The following LIPA variants were observed in gnomAD, a reference collection of about 807,000 sequenced individuals.
LIPA encodes the protein lipase A, lysosomal acid type, also known as lysosomal acid lipase/cholesteryl ester hydrolase.
Under a neutral mutation model 40.6 loss-of-function variants are expected in LIPA, and 26 were observed. That is an observed-to-expected ratio of 0.64 (90% confidence interval 0.47 to 0.89). LIPA has a LOEUF of 0.89. LIPA is among the 40% of genes least tolerant of loss of function. LIPA has a pLI of 0.00. For synonymous variants in LIPA, 188 were observed against 168.4 expected, an observed-to-expected ratio of 1.12 and a Z score of -0.90; for missense variants, 455 against 479.6, an observed-to-expected ratio of 0.95 and a Z score of 0.48.
In LIPA at chr10:89,230,576, G is replaced by C. The variant is rs1029183456; in HGVS notation, c.230-2178C>G. Among the ~76,000 whole-genome samples, 86 of 152,150 alleles carry C rather than the reference G, an allele frequency of 5.7e-4. 1 individual carries two copies. The highest frequency in any genetic ancestry group is 2.1e-3 in the African/African-American group (85 of 41,422). On this transcript the variant is annotated intron_variant, in intron 3 of 9. Transcript: ENST00000336233. ...CCACCTCGGCTTCCCAAAGTGCGGG[G>C]TTTACAGGTGTGAGCCACCACGCCC...
rs148103238 is a variant in LIPA, at chr10:89,388,822, A to G, written c.61+23969T>C. Among the ~76,000 whole-genome samples, 600 of 152,312 alleles carry G rather than the reference A, an allele frequency of 3.9e-3. 6 individuals carry two copies. The highest frequency in any genetic ancestry group is 0.014 in the African/African-American group (563 of 41,564). On this transcript the variant is annotated intron_variant, in intron 2 of 8. Coordinates refer to the LIPA transcript ENST00000371837. ...AAAAAAAAAAAAAATGAGCTAATAAAAATTCTAGTAGTACTTGAATAGGTT... is the reference window on the plus strand; with the variant it reads ...AAAAAAAAAAAAAATGAGCTAATAAGAATTCTAGTAGTACTTGAATAGGTT...
At chr10:89,265,472 T>G (rs1484741206) in intron 1 of LIPA, among the ~76,000 whole-genome samples, 2 of 152,242 alleles carry the variant, frequency 1.3e-5, no homozygotes, top group Non-Finnish European at 2.9e-5. Context: ...TATCCTTTTG[T>G]GGAAAATCAT....
At chr10:89,234,250 G>A (rs79711168) in intron 3 of LIPA, among the ~76,000 whole-genome samples, 4,712 of 152,294 alleles carry the variant, frequency 0.031, 254 homozygotes, top group African/African-American at 0.11. Flanking sequence ...TGATTCTGAC[G>A]CGCAGCCAGG....
chr10:89,334,449 A>G (rs1352536133), intron 1 of LIPA, among the ~76,000 whole-genome samples: 2 of 89,874 alleles, frequency 2.2e-5, no homozygotes, highest in Non-Finnish European at 4.7e-5. Context: ...GAACCTAGCT[A>G]TTCTGTTTTT....
intron 1 of LIPA, among the ~76,000 whole-genome samples, chr10:89,276,275 G>T (rs1313448246): frequency 6.6e-6 from 1 of 152,198 alleles, no homozygotes; most frequent in Non-Finnish European, 1.5e-5. Context: ...GAGCCAGACT[G>T]CTAGGTTTGA....
chr10:89,287,345 C>T (rs148280887), intron 1 of LIPA, among the ~76,000 whole-genome samples: 2,086 of 152,282 alleles, frequency 0.014, 44 homozygotes, highest in African/African-American at 0.047. Context: ...TGGGTATTGA[C>T]GGCCAGGCTT....
intron 2 of LIPA, chr10:89,378,051 G>A (rs1844135148): frequency 1.4e-6 from 2 of 1,448,298 alleles, no homozygotes; most frequent in African/African-American, 2.8e-5. Context: ...TATCTGAGAA[G>A]CCCTAGAACT....
intron 1 of LIPA, chr10:89,339,057 G>A (rs1473613697): frequency 6.2e-7 from 1 of 1,614,116 alleles, no homozygotes; most frequent in Admixed American, 1.7e-5. Context: ...ACAGTATTGA[G>A]TATTCTGAAC....
chr10:89,308,650 G>C (rs1843498803), intron 1 of LIPA: 1 of 152,162 alleles, frequency 6.6e-6, no homozygotes. Context: ...AGCTGACCCA[G>C]CATCAGCCAC....
intron 2 of LIPA, chr10:89,412,751 T>C (rs1439727859): frequency 2.3e-6 from 1 of 438,356 alleles, no homozygotes. Context: ...TGTGAAGGTC[T>C]GCAGCTGCAC....
At position 89,376,970 on chromosome 10, in the gene LIPA, C is replaced by T. The variant is rs576111599; in HGVS notation, c.61+35821G>A. Among the ~76,000 whole-genome samples the T allele has an allele frequency of 8.5e-4, 130 of 152,294 alleles. 1 individual carries two copies. Among genetic ancestry groups the T allele is most frequent in the African/African-American group, 3.1e-3 (127 of 41,564 alleles). On this transcript the variant is annotated intron_variant, in intron 2 of 8. Transcript: ENST00000371837. ...ACTGTAATGAAGTTAATAACCCTACCTTGAAATGCTCACTCAGAGGGAAAT... is the reference window on the plus strand; with the variant it reads ...ACTGTAATGAAGTTAATAACCCTACTTTGAAATGCTCACTCAGAGGGAAAT...
chr10:89,261,429 CG>C (rs1257871244), intron 1 of LIPA, among the ~76,000 whole-genome samples: 2 of 152,090 alleles, frequency 1.3e-5, no homozygotes, highest in Non-Finnish European at 2.9e-5. Context: ...CGCTTGAACC[CG>C]GGAGGAGGAG....
intron 2 of LIPA, among the ~76,000 whole-genome samples, chr10:89,352,467 T>G (rs2133587239): frequency 6.6e-6 from 1 of 152,316 alleles, no homozygotes; most frequent in African/African-American, 2.4e-5. Flanking sequence ...CTCCTATAGC[T>G]TATCGAATAT....
At chr10:89,410,205 ACTGT>A (rs1274761824) in intron 2 of LIPA, among the ~76,000 whole-genome samples, 1 of 152,238 alleles carries the variant, frequency 6.6e-6, no homozygotes, top group Non-Finnish European at 1.5e-5. Flanking sequence ...AAAGGGTCTC[ACTGT>A]CTGGATACTC....
intron 2 of LIPA, among the ~76,000 whole-genome samples, chr10:89,369,115 CA>C (rs1393119532): frequency 6.6e-6 from 1 of 152,156 alleles, no homozygotes; most frequent in Non-Finnish European, 1.5e-5. Context: ...CAGTCTACGG[CA>C]AAGGAAAAAC....
intron 2 of LIPA, among the ~76,000 whole-genome samples, chr10:89,381,281 G>A (rs1208462684): frequency 1.3e-5 from 2 of 152,132 alleles, no homozygotes; most frequent in African/African-American, 2.4e-5. Flanking sequence ...ATGAGTGGAC[G>A]ATTTGGGTCA....
intron 3 of LIPA, among the ~76,000 whole-genome samples, chr10:89,241,434 G>A (rs1004584696): frequency 2.6e-5 from 4 of 152,182 alleles, no homozygotes; most frequent in Non-Finnish European, 5.9e-5. Flanking sequence ...GATTACCAAC[G>A]CCTATGTGTA....
At chr10:89,292,119 A>G (rs1248939509) in intron 1 of LIPA, 1 of 152,226 alleles carries the variant, frequency 6.6e-6, no homozygotes, top group Non-Finnish European at 1.5e-5. Flanking sequence ...CTTCTTTTAC[A>G]GTGTCATTTA....
intron 1 of LIPA, among the ~76,000 whole-genome samples, chr10:89,257,911 T>C (rs1270061178): frequency 6.6e-6 from 1 of 152,198 alleles, no homozygotes; most frequent in African/African-American, 2.4e-5. Context: ...GACCATAGTT[T>C]AGTGGAAAGA....
Sources: allele counts gnomAD v4.1 joint callset (sites outside exome capture counted in the v4.1 genomes callset), GRCh38; gene constraint gnomAD v4.1.1; transcripts MANE v1.5; gene names NCBI Gene and HGNC (gene_info 2026-07-23, HGNC 2026-07-21).